Variants in SPIN1 observed in about 807,000 individuals in gnomAD.
SPIN1 encodes spindlin-1.
A neutral mutation model predicts 26.0 loss-of-function variants in SPIN1; 3 were observed. That is an observed-to-expected ratio of 0.12 (90% confidence interval 0.05 to 0.30). The LOEUF is 0.30. Ranked by LOEUF, SPIN1 falls within the 10% of genes least tolerant of loss-of-function variation. The pLI, the probability that SPIN1 is intolerant of heterozygous loss-of-function variation, is 1.00. For missense variants in SPIN1, 126 were observed against 333.4 expected, an observed-to-expected ratio of 0.38 and a Z score of 4.84; for synonymous variants, 101 against 116.5, an observed-to-expected ratio of 0.87 and a Z score of 0.86.
chr9:88,390,839 C>G (rs1310210267), intron 1 of SPIN1, among the ~76,000 whole-genome samples: 5 of 151,972 alleles, frequency 3.3e-5, no homozygotes, highest in Admixed American at 2.0e-4. Flanking sequence ...ATCATGCAGC[C>G]TTTTTTTAAA....
intron 2 of SPIN1, among the ~76,000 whole-genome samples, chr9:88,434,368 GTTTATTTTATAAATTATAAAATAGTTTAT>G (rs1827954550): frequency 1.5e-5 from 2 of 134,372 alleles, no homozygotes; most frequent in Admixed American, 7.0e-5. Context: ...TTATAAAATA[GTTTATTTTATAAATTATAAAATAGTTTAT>G]TTTATAAATT....
chr9:88,476,915 T>C lies in SPIN1; in HGVS notation c.*1638T>C, dbSNP rs1474364957. ...GAGTGACCTCTTTTGTGGCTGTTCTTGATGGTTTCCAGGCCTCGTTATGCA... is the reference window on the plus strand; with the variant it reads ...GAGTGACCTCTTTTGTGGCTGTTCTCGATGGTTTCCAGGCCTCGTTATGCA... On this transcript the variant is annotated 3_prime_UTR_variant, in exon 6 of 6. Transcript: ENST00000375859. 2.0e-5 allele frequency: 3 copies of C among 152,242 alleles called. No homozygotes were observed. Among genetic ancestry groups the C allele is most frequent in the Non-Finnish European group, 4.4e-5 (3 of 68,074 alleles). 9.4% of individuals were successfully genotyped at this position (152,242 alleles called of 1,614,324 possible).
intron 1 of SPIN1, among the ~76,000 whole-genome samples, chr9:88,405,298 G>C (rs370698949): frequency 2.0e-5 from 3 of 149,176 alleles, no homozygotes; most frequent in African/African-American, 4.9e-5. Flanking sequence ...GCAGGATCTC[G>C]GCTCACTGCA....
At chr9:88,407,964 G>A (rs1384957550) in intron 1 of SPIN1, among the ~76,000 whole-genome samples, 4 of 151,686 alleles carry the variant, frequency 2.6e-5, no homozygotes, top group Non-Finnish European at 4.4e-5. Context: ...ATAGGGTTTC[G>A]CCATGTTGTC....
At chr9:88,398,905 A>G (rs889222924) in intron 1 of SPIN1, among the ~76,000 whole-genome samples, 1 of 151,594 alleles carries the variant, frequency 6.6e-6, no homozygotes, top group Non-Finnish European at 1.5e-5. Flanking sequence ...TCAGGATCAC[A>G]TAAGGTTTAG....
intron 2 of SPIN1, among the ~76,000 whole-genome samples, chr9:88,448,047 CTT>C (rs113183923): frequency 1.1e-4 from 16 of 142,628 alleles, no homozygotes; most frequent in Admixed American, 2.1e-4. Flanking sequence ...TTGTTTTGGT[CTT>C]TTTTTTTTTT....
intron 2 of SPIN1, among the ~76,000 whole-genome samples, chr9:88,428,122 C>G (rs1330204781): frequency 6.6e-6 from 1 of 152,170 alleles, no homozygotes; most frequent in Non-Finnish European, 1.5e-5. Context: ...AATTCCTTTT[C>G]TAAAGTTCAT....
At chr9:88,411,061 A>C in intron 1 of SPIN1, 1 of 1,583,502 alleles carries the variant, frequency 6.3e-7, no homozygotes, top group Non-Finnish European at 8.6e-7. Context: ...TCATGATTTC[A>C]ATCACTTCAG....
At chr9:88,469,633 G>A (rs1828737869) in intron 5 of SPIN1, among the ~76,000 whole-genome samples, 1 of 152,124 alleles carries the variant, frequency 6.6e-6, no homozygotes, top group Non-Finnish European at 1.5e-5. Flanking sequence ...TTCTGCCCCA[G>A]CCTCCCAAGT....
intron 5 of SPIN1, among the ~76,000 whole-genome samples, chr9:88,468,991 T>C (rs1250403410): frequency 1.3e-5 from 2 of 152,312 alleles, no homozygotes; most frequent in East Asian, 3.9e-4. Flanking sequence ...CCCAGTGCAA[T>C]TATTTTGAAT....
Position 88,475,327 on chromosome 9 carries a change from T to A in SPIN1, c.*50T>A, listed in dbSNP as rs752349242. On this transcript the variant is annotated 3_prime_UTR_variant, in exon 6 of 6. Coordinates refer to ENST00000375859, the MANE Select transcript of SPIN1 (RefSeq NM_006717.3). The stretch of plus-strand genomic sequence containing the variant: ...TTGTGGAACTATGAAATGTATTATT[T>A]GTAGACATAAAGACTTGATTGCTTT... The A allele has an allele frequency of 1.3e-6, 2 of 1,572,200 alleles. No homozygotes were observed. The highest frequency in any genetic ancestry group is 1.7e-6 in the Non-Finnish European group (2 of 1,148,002).
At chr9:88,460,375 T>C (rs1023462675) in intron 3 of SPIN1, among the ~76,000 whole-genome samples, 1 of 152,220 alleles carries the variant, frequency 6.6e-6, no homozygotes, top group African/African-American at 2.4e-5. Context: ...GTTTGGTAGT[T>C]CTCACATCTT....
At chr9:88,445,562 T>TATTATTATA (rs1491504001) in intron 2 of SPIN1, among the ~76,000 whole-genome samples, 5 of 140,802 alleles carry the variant, frequency 3.6e-5, no homozygotes, top group Admixed American at 7.1e-5. Flanking sequence ...TTATTATTAT[T>TATTATTATA]ATATTGAGAT....
chr9:88,408,981 T>TTGTGTGTGTGTGTGTGTG lies in SPIN1; in HGVS notation c.-158-17389_-158-17372dup, dbSNP rs148808911. Among the ~76,000 whole-genome samples the TTGTGTGTGTGTGTGTGTG allele has an allele frequency of 2.0e-3, 273 of 136,698 alleles. 1 individual carries two copies. The highest frequency in any genetic ancestry group is 6.3e-3 in the African/African-American group (228 of 36,358). The allele number at this position is 136,698 out of a possible 152,430, so 89.7% of individuals were successfully genotyped here. A position where few individuals can be genotyped will look rare whatever the true frequency, so the allele number is the denominator to read the frequency against. On this transcript the variant is annotated intron_variant, in intron 1 of 5. Transcript: ENST00000375859. The stretch of plus-strand genomic sequence containing the variant: ...CCGGCCCTTTTGTGTTTGTGTGTGT[T>TTGTGTGTGTGTGTGTGTG]TGTGTGTGTGTGTGTGTGTGTGTGT...
chr9:88,456,715 A>G (rs1828479675), intron 3 of SPIN1, among the ~76,000 whole-genome samples: 1 of 152,184 alleles, frequency 6.6e-6, no homozygotes, highest in Non-Finnish European at 1.5e-5. Flanking sequence ...CTTGACTTGC[A>G]TCTACAAATA....
At chr9:88,448,516 T>C (rs914173526) in intron 2 of SPIN1, among the ~76,000 whole-genome samples, 1 of 148,044 alleles carries the variant, frequency 6.8e-6, no homozygotes, top group African/African-American at 2.7e-5. Flanking sequence ...TACACTTGGC[T>C]TGTTGTTTTT....
intron 2 of SPIN1, among the ~76,000 whole-genome samples, chr9:88,444,816 G>A (rs1232310271): frequency 3.3e-5 from 5 of 149,798 alleles, no homozygotes; most frequent in African/African-American, 7.4e-5. Flanking sequence ...TCAGCCTCCC[G>A]AGTAGCTGGG....
At chr9:88,415,146 C>T (rs775298398) in intron 1 of SPIN1, among the ~76,000 whole-genome samples, 7 of 151,940 alleles carry the variant, frequency 4.6e-5, no homozygotes, top group African/African-American at 7.3e-5. Flanking sequence ...CCTTGTGATC[C>T]GCCCGCCTCA....
At chr9:88,462,029 A>T (rs56137955) in intron 3 of SPIN1, among the ~76,000 whole-genome samples, 10,525 of 152,232 alleles carry the variant, frequency 0.069, 1,142 homozygotes, top group African/African-American at 0.23. Context: ...GGGCACGGGA[A>T]TGGGTGAAAT....
Sources: allele counts gnomAD v4.1 joint callset (sites outside exome capture counted in the v4.1 genomes callset), GRCh38; gene constraint gnomAD v4.1.1; transcripts MANE v1.5; gene names NCBI Gene and HGNC (gene_info 2026-07-23, HGNC 2026-07-21).